Variants in FGF9 observed in about 807,000 individuals in gnomAD.
FGF9 encodes the protein fibroblast growth factor 9 (glia-activating factor).
A neutral mutation model predicts 19.9 loss-of-function variants in FGF9; 3 were observed. The observed-to-expected ratio is 0.15, with a 90% CI of 0.07 to 0.39. The LOEUF (loss-of-function observed/expected upper bound fraction) is 0.39, where lower values mean the gene tolerates loss of function less well. FGF9 is among the 10% of genes least tolerant of loss of function. The pLI, the probability that FGF9 is intolerant of heterozygous loss-of-function variation, is 1.00. For missense variants in FGF9, 175 were observed against 256.8 expected, an observed-to-expected ratio of 0.68 and a Z score of 2.18; for synonymous variants, 107 against 106.9, an observed-to-expected ratio of 1.00 and a Z score of -0.01.
At chr13:21,700,136 C>T (rs1026931342) in intron 2 of FGF9, among the ~76,000 whole-genome samples, 5 of 151,774 alleles carry the variant, frequency 3.3e-5, no homozygotes, top group African/African-American at 4.8e-5. Flanking sequence ...TCATAAAGCT[C>T]GAGTAGAGAG....
rs1412420802 is a variant in FGF9, at chr13:21,671,991, G to C, written c.79G>C (p.Val27Leu). ...VPFGNVPVLP[V>L]DSPVLLSDHL... ...GTTTGGGAATGTGCCCGTGTTGCCG[G>C]TGGACAGCCCGGTTTTGTTAAGTGA... The change falls in exon 1 of 3, where the codon GTG (valine) becomes CTG (leucine). Residue 27 changes from valine to leucine, a missense_variant. Transcript: ENST00000382353. The C allele has an allele frequency of 1.9e-6, 3 of 1,614,112 alleles. No individual in the cohort carries two copies. In the Admixed American group the frequency reaches 5.0e-5, roughly 27 times the overall value.
intron 2 of FGF9, among the ~76,000 whole-genome samples, chr13:21,697,901 G>A (rs1322970556): frequency 2.7e-5 from 4 of 150,450 alleles, no homozygotes; most frequent in Admixed American, 6.6e-5. Context: ...CCGCCCTCCC[G>A]GGTTCACGCC....
intron 2 of FGF9, among the ~76,000 whole-genome samples, chr13:21,682,348 G>T (rs1464506716): frequency 6.6e-6 from 1 of 152,008 alleles, no homozygotes; most frequent in African/African-American, 2.4e-5. Flanking sequence ...GAGAACTTTA[G>T]TTTACAAAAA....
chr13:21,685,412 A>T (rs77332200), intron 2 of FGF9, among the ~76,000 whole-genome samples: 124 of 152,286 alleles, frequency 8.1e-4, no homozygotes, highest in Non-Finnish European at 1.4e-3. Flanking sequence ...AAAAGGTCAG[A>T]GGTAAATGGG....
At chr13:21,686,799 G>A (rs1872169183) in intron 2 of FGF9, among the ~76,000 whole-genome samples, 1 of 152,204 alleles carries the variant, frequency 6.6e-6, no homozygotes, top group African/African-American at 2.4e-5. Flanking sequence ...CTGTACATGA[G>A]CATCGAATAG....
rs1210713262 is a variant in FGF9, at chr13:21,672,177, C to A, written c.265C>A (p.His89Asn). 1 of 1,614,156 alleles carries A rather than the reference C, an allele frequency of 6.2e-7. No individual in the cohort carries two copies. Among genetic ancestry groups the A allele is most frequent in the South Asian group, 1.1e-5 (1 of 91,068 alleles). Reference sequence around the variant, plus strand: ...TACTATCCAGGGAACCAGGAAAGACCACAGCCGATTTGGTAGGTATACCAT... The same window carrying A: ...TACTATCCAGGGAACCAGGAAAGACAACAGCCGATTTGGTAGGTATACCAT... ...NGTIQGTRKD[H>N]SRFGILEFIS... The change falls in exon 1 of 3, where the codon CAC (histidine) becomes AAC (asparagine). Residue 89 changes from histidine (H) to asparagine (N), a missense_variant. Physicochemically the swap from His to Asn is moderately conservative, Grantham distance 68. Transcript: ENST00000382353. This position sits in a 1 kb window ranked among gnomAD's most constrained non-coding sequence, Gnocchi z 4.2.
intron 1 of FGF9, among the ~76,000 whole-genome samples, chr13:21,679,704 C>T (rs1021301047): frequency 1.3e-5 from 2 of 149,532 alleles, no homozygotes; most frequent in African/African-American, 2.5e-5. Context: ...TTTGGGAAGC[C>T]GAGGCGGGTC....
At chr13:21,679,984 A>G (rs969499195) in intron 1 of FGF9, among the ~76,000 whole-genome samples, 2 of 150,612 alleles carry the variant, frequency 1.3e-5, no homozygotes, top group African/African-American at 4.9e-5. Context: ...AAAAATTAGC[A>G]GTGTCCTAAA....
At chr13:21,683,918 G>A (rs17070270) in intron 2 of FGF9, among the ~76,000 whole-genome samples, 1 of 152,336 alleles carries the variant, frequency 6.6e-6, no homozygotes, top group African/African-American at 2.4e-5. Flanking sequence ...CTTTAATGTG[G>A]CACCCAATGC....
intron 2 of FGF9, among the ~76,000 whole-genome samples, chr13:21,687,441 A>G (rs1343900843): frequency 6.6e-6 from 1 of 152,266 alleles, no homozygotes; most frequent in East Asian, 1.9e-4. Flanking sequence ...GACAACTATA[A>G]TTCAAAACAT....
At chr13:21,686,852 G>A (rs768388358) in intron 2 of FGF9, among the ~76,000 whole-genome samples, 7 of 152,206 alleles carry the variant, frequency 4.6e-5, no homozygotes, top group African/African-American at 7.2e-5. Flanking sequence ...GAGTCAGGGT[G>A]TTTCCACAGG....
intron 2 of FGF9, among the ~76,000 whole-genome samples, chr13:21,694,155 C>G (rs1394796225): frequency 2.6e-5 from 4 of 152,146 alleles, no homozygotes; most frequent in Non-Finnish European, 5.9e-5. Flanking sequence ...TGTTAATCGA[C>G]TCACCCACAG....
At chr13:21,677,151 C>T (rs923232268) in intron 1 of FGF9, among the ~76,000 whole-genome samples, 1 of 152,172 alleles carries the variant, frequency 6.6e-6, no homozygotes, top group Non-Finnish European at 1.5e-5. Flanking sequence ...CGACCCTGTG[C>T]TTCCCATGTC....
rs1342737912 is a variant in FGF9 at position 21,701,663 on chromosome 13, TGAGAG to T, written c.*229_*233del. Reference sequence around the variant, plus strand: ...CTAGGGCCACTTGCTTGATTTATCATGAGAGAAGAGGAGAGAGAGAGAGACTGAGC... The same window carrying T: ...CTAGGGCCACTTGCTTGATTTATCATAAGAGGAGAGAGAGAGAGACTGAGC... On this transcript the variant is annotated 3_prime_UTR_variant, in exon 3 of 3. Coordinates refer to ENST00000382353, the MANE Select transcript of FGF9 (RefSeq NM_002010.3). The T allele has an allele frequency of 1.8e-6, 1 of 541,726 alleles. No individual in the cohort carries two copies. Among genetic ancestry groups the T allele is most frequent in the African/African-American group, 1.9e-5 (1 of 52,130 alleles). The allele number at this position is 541,726 out of a possible 1,614,324, so 33.6% of individuals were successfully genotyped here. A position where few individuals can be genotyped will look rare whatever the true frequency, so the allele number is the denominator to read the frequency against.
chr13:21,700,141 A>G (rs1872508504), intron 2 of FGF9, among the ~76,000 whole-genome samples: 1 of 152,146 alleles, frequency 6.6e-6, no homozygotes. Context: ...AAGCTCGAGT[A>G]GAGAGGAAGT....
chr13:21,677,232 C>T (rs150813384), intron 1 of FGF9, among the ~76,000 whole-genome samples: 88 of 152,294 alleles, frequency 5.8e-4, no homozygotes, highest in Admixed American at 1.5e-3. Context: ...CCAAAATGAG[C>T]GACAGGCTGC....
chr13:21,675,009 G>A (rs1565948194), intron 1 of FGF9, among the ~76,000 whole-genome samples: 2 of 147,184 alleles, frequency 1.4e-5, no homozygotes, highest in Non-Finnish European at 3.0e-5. Flanking sequence ...GTGTTGCGGG[G>A]GATGTGGGGG....
intron 2 of FGF9, among the ~76,000 whole-genome samples, chr13:21,685,882 A>G (rs907886428): frequency 5.9e-5 from 9 of 152,186 alleles, no homozygotes; most frequent in African/African-American, 1.7e-4. Context: ...CAAATGTCAC[A>G]ATTAAAATAC....
intron 1 of FGF9, among the ~76,000 whole-genome samples, chr13:21,675,023 G>A (rs1192896227): frequency 6.7e-6 from 1 of 148,910 alleles, no homozygotes. Context: ...GTGGGGGCTG[G>A]GGGGGATGTG....
Sources: gnomAD v4.1 joint callset for allele counts (sites outside exome capture counted in the v4.1 genomes callset) on GRCh38, gnomAD v4.1.1 for gene constraint, Gnocchi (gnomAD v3.1) non-coding constraint, MANE v1.5 for transcripts, NCBI Gene and HGNC (gene_info 2026-07-23, HGNC 2026-07-21) for gene names.